The following AGAP1 variants were observed in gnomAD, a reference collection of about 807,000 sequenced individuals.
The protein encoded by AGAP1 is arf-GAP with GTPase, ANK repeat and PH domain-containing protein 1.
A neutral mutation model predicts 105.3 loss-of-function variants in AGAP1; 29 were observed. The ratio of observed to expected loss-of-function variants is 0.28; its 90% confidence interval spans 0.21 to 0.38. The LOEUF is 0.38. Ranked by LOEUF, AGAP1 falls within the 10% of genes least tolerant of loss-of-function variation. The pLI, the probability that AGAP1 is intolerant of heterozygous loss-of-function variation, is 1.00. For synonymous variants in AGAP1, 509 were observed against 485.9 expected, an observed-to-expected ratio of 1.05 and a Z score of -0.63; for missense variants, 998 against 1,165.1, an observed-to-expected ratio of 0.86 and a Z score of 2.09.
At chr2:235,617,055 T>C (rs988951742) in intron 1 of AGAP1, among the ~76,000 whole-genome samples, 7 of 152,236 alleles carry the variant, frequency 4.6e-5, no homozygotes, top group Admixed American at 2.0e-4. Flanking sequence ...GAATTTGCTG[T>C]AAAGAAGGGA....
In AGAP1 at chr2:235,566,862, C is replaced by T. The variant is rs1944362191; in HGVS notation, c.163+72013C>T. ...CTTTTACAGTTCTGGAGGCCTGAAGCCCAGGATCAAGGTGTGCCCAGAGCT... is the reference window on the plus strand; with the variant it reads ...CTTTTACAGTTCTGGAGGCCTGAAGTCCAGGATCAAGGTGTGCCCAGAGCT... On this transcript the variant is annotated intron_variant, in intron 1 of 17. Transcript: ENST00000304032. The surrounding 1 kb of genome is among the most constrained non-coding windows in gnomAD (Gnocchi z 5.2). 6.6e-6 allele frequency among the ~76,000 whole-genome samples: 1 copy of T among 152,198 alleles called. No individual in the cohort carries two copies. Among genetic ancestry groups the T allele is most frequent in the Non-Finnish European group, 1.5e-5 (1 of 68,036 alleles).
chr2:235,786,328 G>A (rs770070330), intron 6 of AGAP1, among the ~76,000 whole-genome samples: 2 of 152,182 alleles, frequency 1.3e-5, no homozygotes, highest in Non-Finnish European at 2.9e-5. Flanking sequence ...TCTAATGAGA[G>A]TCTATATTCA....
intron 1 of AGAP1, among the ~76,000 whole-genome samples, chr2:235,516,680 A>G (rs1255409505): frequency 6.6e-6 from 1 of 152,016 alleles, no homozygotes; most frequent in Non-Finnish European, 1.5e-5. Context: ...TTCCCATCAT[A>G]CCTGGAGACC....
chr2:235,969,873 C>T (rs545995739), intron 13 of AGAP1, among the ~76,000 whole-genome samples: 3 of 152,296 alleles, frequency 2.0e-5, no homozygotes, highest in Non-Finnish European at 2.9e-5. Flanking sequence ...TGTTTTGCCT[C>T]CTGTAAGCTT....
chr2:235,512,540 G>A (rs141683332), intron 1 of AGAP1, among the ~76,000 whole-genome samples: 1 of 152,292 alleles, frequency 6.6e-6, no homozygotes, highest in Non-Finnish European at 1.5e-5. Context: ...GCTGCAGTGA[G>A]CCATGATTGC....
intron 1 of AGAP1, among the ~76,000 whole-genome samples, chr2:235,542,216 C>CG (rs1943466204): frequency 1.4e-5 from 2 of 145,076 alleles, no homozygotes; most frequent in South Asian, 2.3e-4. Context: ...ACAGTGGGTC[C>CG]CGGGGGGGGG....
At chr2:236,013,845 C>G (rs1157452519) in intron 13 of AGAP1, among the ~76,000 whole-genome samples, 1 of 152,194 alleles carries the variant, frequency 6.6e-6, no homozygotes, top group Non-Finnish European at 1.5e-5. Flanking sequence ...AGTTGAGCCA[C>G]CCTGTTTAAC....
chr2:235,990,098 C>G (rs541299911), intron 13 of AGAP1, among the ~76,000 whole-genome samples: 1 of 152,180 alleles, frequency 6.6e-6, no homozygotes, highest in Non-Finnish European at 1.5e-5. Context: ...AGTGCTCTAC[C>G]GTTAGGATTC....
intron 9 of AGAP1, among the ~76,000 whole-genome samples, chr2:235,840,558 G>A (rs1960702984): frequency 6.6e-6 from 1 of 152,164 alleles, no homozygotes; most frequent in South Asian, 2.1e-4. Flanking sequence ...GAAGGGCCAT[G>A]CTGGCTGCAG....
In AGAP1 at chr2:235,905,437, A is replaced by G. The variant is rs745445224; in HGVS notation, c.1156-3301A>G. 6.6e-6 allele frequency among the ~76,000 whole-genome samples: 1 copy of G among 152,202 alleles called. No homozygotes were observed. Among genetic ancestry groups the G allele is most frequent in the Non-Finnish European group, 1.5e-5 (1 of 68,040 alleles). ...TGGAAGTAAACTAAAGATGCTTGAG[A>G]AAAACCTTTTTTAGGAAGTGACCAA... On this transcript the variant is annotated intron_variant, in intron 10 of 17. Coordinates refer to ENST00000304032, the MANE Select transcript of AGAP1 (RefSeq NM_001037131.3). This position sits in a 1 kb window ranked among gnomAD's most constrained non-coding sequence, Gnocchi z 4.2.
At chr2:235,907,756 C>T (rs2051377660) in intron 10 of AGAP1, among the ~76,000 whole-genome samples, 1 of 152,130 alleles carries the variant, frequency 6.6e-6, no homozygotes, top group African/African-American at 2.4e-5. Context: ...ACACATTCTC[C>T]CGTATACCTT....
chr2:235,995,652 A>G (rs547925272), intron 13 of AGAP1, among the ~76,000 whole-genome samples: 19 of 152,318 alleles, frequency 1.2e-4, no homozygotes, highest in African/African-American at 3.6e-4. Flanking sequence ...GCAGCTTGAC[A>G]CTGCGGGTCC....
At chr2:236,019,889 C>T (rs897687583) in intron 13 of AGAP1, among the ~76,000 whole-genome samples, 1 of 152,252 alleles carries the variant, frequency 6.6e-6, no homozygotes, top group Non-Finnish European at 1.5e-5. Flanking sequence ...CCGGCAGTCT[C>T]CCCAGTGCCC....
chr2:235,870,236 T>A (rs1323023441), intron 9 of AGAP1, among the ~76,000 whole-genome samples: 1 of 152,122 alleles, frequency 6.6e-6, no homozygotes, highest in East Asian at 1.9e-4. Flanking sequence ...GTGGATGAGG[T>A]TCCTTGCATG....
chr2:235,945,883 A>G (rs1278558386), intron 12 of AGAP1, among the ~76,000 whole-genome samples: 1 of 91,196 alleles, frequency 1.1e-5, no homozygotes, highest in Non-Finnish European at 2.1e-5. Flanking sequence ...GGCACTTCAC[A>G]TGGCTGGCGG....
rs1261226146 is a variant in AGAP1, at chr2:235,959,847, C to T, written c.1484-8615C>T. 2.0e-5 allele frequency among the ~76,000 whole-genome samples: 3 copies of T among 152,142 alleles called. No homozygotes were observed. The highest frequency in any genetic ancestry group is 2.9e-5 in the Non-Finnish European group (2 of 68,018). Reference sequence around the variant, plus strand: ...TGTCCGCTCCTGCCAAACCTGCTCCCACCCGCCCCAGCCCAGAGCATGTGG... The same window carrying T: ...TGTCCGCTCCTGCCAAACCTGCTCCTACCCGCCCCAGCCCAGAGCATGTGG... On this transcript the variant is annotated intron_variant, in intron 12 of 17. Coordinates refer to ENST00000304032, the MANE Select transcript of AGAP1 (RefSeq NM_001037131.3). The surrounding 1 kb of genome is among the most constrained non-coding windows in gnomAD (Gnocchi z 7.3).
chr2:235,807,623 G>T (rs977526573), intron 9 of AGAP1, among the ~76,000 whole-genome samples: 3 of 152,214 alleles, frequency 2.0e-5, no homozygotes, highest in African/African-American at 7.2e-5. Flanking sequence ...GCACGGCTTT[G>T]ATTGGGCCGC....
In AGAP1 at chr2:235,994,764, T is replaced by C. The variant is rs2055718237; in HGVS notation, c.1645+26141T>C. 6.6e-6 allele frequency among the ~76,000 whole-genome samples: 1 copy of C among 151,736 alleles called. No individual in the cohort carries two copies. Among genetic ancestry groups the C allele is most frequent in the Admixed American group, 6.6e-5 (1 of 15,240 alleles). ...ATGATGAATTTCTTTCTTTTTTTTT[T>C]TTTAAACTAAAATTAGAATAGGCCG... is the stretch of plus-strand genomic sequence containing the variant. On this transcript the variant is annotated intron_variant, in intron 13 of 17. Coordinates refer to ENST00000304032, the MANE Select transcript of AGAP1 (RefSeq NM_001037131.3). The surrounding 1 kb of genome is among the most constrained non-coding windows in gnomAD (Gnocchi z 4.4).
intron 6 of AGAP1, among the ~76,000 whole-genome samples, chr2:235,782,755 C>A (rs2149944720): frequency 6.6e-6 from 1 of 152,298 alleles, no homozygotes; most frequent in Non-Finnish European, 1.5e-5. Flanking sequence ...GAGTCCCAGT[C>A]ACCTATTCCC....
Sources: allele counts gnomAD v4.1 joint callset (sites outside exome capture counted in the v4.1 genomes callset), GRCh38; gene constraint gnomAD v4.1.1; non-coding constraint Gnocchi (gnomAD v3.1); transcripts MANE v1.5; gene names NCBI Gene and HGNC (gene_info 2026-07-23, HGNC 2026-07-21).